Variants in NCAM2 observed in about 807,000 individuals in gnomAD.
The protein encoded by NCAM2 is neural cell adhesion molecule 2.
A neutral mutation model predicts 98.1 loss-of-function variants in NCAM2; 30 were observed. The observed-to-expected ratio is 0.31, with a 90% CI of 0.23 to 0.41. NCAM2 has a LOEUF of 0.41. NCAM2 is among the 10% of genes least tolerant of loss of function. NCAM2 has a pLI of 1.00. For synonymous variants in NCAM2, 368 were observed against 342.4 expected, an observed-to-expected ratio of 1.07 and a Z score of -0.83; for missense variants, 867 against 1,005.8, an observed-to-expected ratio of 0.86 and a Z score of 1.87.
chr21:21,472,606 C>G (rs1984585143), intron 14 of NCAM2, among the ~76,000 whole-genome samples: 1 of 151,552 alleles, frequency 6.6e-6, no homozygotes, highest in African/African-American at 2.4e-5. Flanking sequence ...TGAACAAATA[C>G]AGCAAGAAAT....
At chr21:21,258,912 A>G (rs1482769649) in intron 1 of NCAM2, among the ~76,000 whole-genome samples, 1 of 152,146 alleles carries the variant, frequency 6.6e-6, no homozygotes, top group African/African-American at 2.4e-5. Flanking sequence ...GTACAGCTCC[A>G]TAAAGCTCAT....
At chr21:21,210,423 G>T in intron 1 of NCAM2, 1 of 749,752 alleles carries the variant, frequency 1.3e-6, no homozygotes, top group African/African-American at 1.9e-5. Flanking sequence ...AAAATACTGA[G>T]ATATTTAAGA....
At chr21:21,267,927 C>T (rs2072348497) in intron 1 of NCAM2, among the ~76,000 whole-genome samples, 1 of 152,108 alleles carries the variant, frequency 6.6e-6, no homozygotes, top group Admixed American at 6.6e-5. Context: ...AATATACCTT[C>T]CTGAGATATC....
intron 1 of NCAM2, among the ~76,000 whole-genome samples, chr21:21,251,138 T>C (rs1002590172): frequency 6.6e-6 from 1 of 152,154 alleles, no homozygotes; most frequent in African/African-American, 2.4e-5. Flanking sequence ...TTATCTAACA[T>C]AAGCCAGAAT....
intron 8 of NCAM2, among the ~76,000 whole-genome samples, chr21:21,355,467 CAAA>C (rs1191479876): frequency 1.5e-5 from 1 of 67,226 alleles, no homozygotes. Flanking sequence ...GACTATGTCT[CAAA>C]AAAAAAAAAA....
intron 1 of NCAM2, among the ~76,000 whole-genome samples, chr21:21,147,577 C>T (rs543963400): frequency 4.8e-4 from 73 of 151,028 alleles, no homozygotes; most frequent in Non-Finnish European, 2.7e-4. Context: ...TGACTCACTG[C>T]AGCCTCAGTA....
chr21:21,363,099 TTTGA>T (rs1568980467), intron 8 of NCAM2, among the ~76,000 whole-genome samples: 1 of 152,162 alleles, frequency 6.6e-6, no homozygotes, highest in African/African-American at 2.4e-5. Context: ...AGATGTAATT[TTTGA>T]TTGATTAGTG....
intron 1 of NCAM2, among the ~76,000 whole-genome samples, chr21:21,216,376 C>G (rs1430757577): frequency 6.6e-6 from 1 of 152,152 alleles, no homozygotes; most frequent in Non-Finnish European, 1.5e-5. Flanking sequence ...CAATTAATCA[C>G]ATTTTTTCTT....
intron 10 of NCAM2, among the ~76,000 whole-genome samples, chr21:21,412,170 T>A (rs1349918007): frequency 6.6e-6 from 1 of 152,212 alleles, no homozygotes; most frequent in African/African-American, 2.4e-5. Flanking sequence ...TTGCTTTCTA[T>A]AGAGGACTCT....
intron 1 of NCAM2, among the ~76,000 whole-genome samples, chr21:21,240,914 CAAAT>C (rs978854514): frequency 3.3e-5 from 5 of 152,020 alleles, no homozygotes; most frequent in African/African-American, 1.2e-4. Context: ...GTCTTTGGGA[CAAAT>C]AAATATTTCA....
chr21:21,421,262 G>A (rs143832928), intron 11 of NCAM2, among the ~76,000 whole-genome samples: 2 of 151,798 alleles, frequency 1.3e-5, no homozygotes, highest in Non-Finnish European at 2.9e-5. Flanking sequence ...CTGCAATATT[G>A]TTCATTGAAA....
chr21:21,247,301 A>C (rs547243086), intron 1 of NCAM2, among the ~76,000 whole-genome samples: 7 of 152,316 alleles, frequency 4.6e-5, no homozygotes, highest in African/African-American at 1.7e-4. Flanking sequence ...CTTGGGCGAC[A>C]GAGCAAGACT....
At chr21:21,290,088 G>T (rs1025587458) in intron 4 of NCAM2, 3 of 151,792 alleles carry the variant, frequency 2.0e-5, no homozygotes, top group African/African-American at 7.3e-5. Flanking sequence ...TATTCCTTTG[G>T]CAACTAGTTC....
At chr21:21,003,661 T>C (rs2064060518) in intron 1 of NCAM2, among the ~76,000 whole-genome samples, 1 of 152,166 alleles carries the variant, frequency 6.6e-6, no homozygotes, top group African/African-American at 2.4e-5. Context: ...CTTATAAACA[T>C]TTATTTAGTT....
chr21:21,254,136 AT>A (rs920990355), intron 1 of NCAM2, among the ~76,000 whole-genome samples: 144 of 152,318 alleles, frequency 9.5e-4, no homozygotes, highest in African/African-American at 3.3e-3. Flanking sequence ...ATTTAGTTTC[AT>A]TTGTCTTATT....
At chr21:21,108,396 G>C (rs888715088) in intron 1 of NCAM2, among the ~76,000 whole-genome samples, 3 of 151,878 alleles carry the variant, frequency 2.0e-5, no homozygotes, top group Non-Finnish European at 4.4e-5. Context: ...GGCCATTGAC[G>C]GCACTTTCAA....
At chr21:21,341,763 G>T (rs1208835799) in intron 8 of NCAM2, among the ~76,000 whole-genome samples, 1 of 151,260 alleles carries the variant, frequency 6.6e-6, no homozygotes, top group Non-Finnish European at 1.5e-5. Flanking sequence ...AAAAAATGGG[G>T]ATAAAATACC....
chr21:21,051,906 T>C (rs8134189), intron 1 of NCAM2, among the ~76,000 whole-genome samples: 143,176 of 152,244 alleles, frequency 0.94, 67,942 homozygotes, highest in East Asian at 1. Context: ...AAAAACCTTT[T>C]TCCACAGTTA....
intron 1 of NCAM2, among the ~76,000 whole-genome samples, chr21:21,153,773 A>G (rs1208920824): frequency 1.3e-5 from 2 of 151,878 alleles, no homozygotes; most frequent in Non-Finnish European, 2.9e-5. Context: ...GGAAAAGTAC[A>G]TTCAATCTAT....
Sources: allele counts gnomAD v4.1 joint callset (sites outside exome capture counted in the v4.1 genomes callset), GRCh38; gene constraint gnomAD v4.1.1; transcripts MANE v1.5; gene names NCBI Gene and HGNC (gene_info 2026-07-23, HGNC 2026-07-21).